Variants in PRKCH observed in about 807,000 individuals in gnomAD.
PRKCH encodes protein kinase C eta type.
Under a neutral mutation model 82.5 loss-of-function variants are expected in PRKCH, and 28 were observed. The observed-to-expected ratio is 0.34, with a 90% CI of 0.25 to 0.47. The LOEUF (loss-of-function observed/expected upper bound fraction) is 0.47, where lower values mean the gene tolerates loss of function less well. PRKCH is among the 20% of genes least tolerant of loss of function. PRKCH has a pLI of 1.00. For missense variants in PRKCH, 705 were observed against 881.8 expected (o/e 0.80, Z 2.54); for synonymous variants, 322 against 327.4 (o/e 0.98, Z 0.18).
chr14:61,543,902 A>T (rs918318098), intron 12 of PRKCH: 2 of 152,270 alleles, frequency 1.3e-5, no homozygotes, highest in African/African-American at 4.8e-5. Flanking sequence ...GTGAACTGTG[A>T]AAGATTTCAG....
chr14:61,417,538 C>A (rs913590700), intron 2 of PRKCH, among the ~76,000 whole-genome samples: 3 of 152,180 alleles, frequency 2.0e-5, no homozygotes, highest in Admixed American at 6.5e-5. Flanking sequence ...TACTTAATGA[C>A]AAAAATTTGG....
intron 1 of PRKCH, among the ~76,000 whole-genome samples, chr14:61,228,748 G>A (rs2044717178): frequency 6.6e-6 from 1 of 152,046 alleles, no homozygotes; most frequent in Non-Finnish European, 1.5e-5. Context: ...TTTTTCTAAA[G>A]TTACAAAATG....
intron 10 of PRKCH, among the ~76,000 whole-genome samples, chr14:61,523,257 A>G (rs768923866): frequency 4.1e-5 from 6 of 147,352 alleles, no homozygotes; most frequent in Non-Finnish European, 7.5e-5. Flanking sequence ...ACAAGCTAAG[A>G]AAAAAACCTT....
intron 9 of PRKCH, chr14:61,477,034 TC>T (rs1361130426): frequency 2.0e-5 from 3 of 152,220 alleles, no homozygotes; most frequent in African/African-American, 7.2e-5. Context: ...AGTAACTGTT[TC>T]CTGTTTATTT....
In PRKCH at chr14:61,457,577, G is replaced by T. The variant is rs1360563479; in HGVS notation, c.1176G>T (p.Leu392=). 22 of 1,614,006 alleles carry T rather than the reference G, an allele frequency of 1.4e-5. No individual in the cohort carries two copies. The highest frequency in any genetic ancestry group is 1.8e-5 in the Non-Finnish European group (21 of 1,180,022). ...AGGTGCTGAAGAAGGACGTGATTCTGCAGGATGATGATGTGGAATGCACCA... is the reference window on the plus strand; with the variant it reads ...AGGTGCTGAAGAAGGACGTGATTCTTCAGGATGATGATGTGGAATGCACCA... ...AVKVLKKDVI[L]QDDDVECTMT... Residue 392 remains leucine (L), a synonymous_variant, in exon 9 of 14, where the codon CTG becomes CTT. Transcript: ENST00000332981.
intron 1 of PRKCH, among the ~76,000 whole-genome samples, chr14:61,346,099 C>G (rs2045988843): frequency 6.6e-6 from 1 of 152,178 alleles, no homozygotes. Flanking sequence ...AGCAGGGACA[C>G]TTTACATGTG....
At chr14:61,297,495 G>C (rs1390328592) in intron 1 of PRKCH, among the ~76,000 whole-genome samples, 1 of 152,194 alleles carries the variant, frequency 6.6e-6, no homozygotes, top group Non-Finnish European at 1.5e-5. Context: ...GTCTGCTGCA[G>C]TGGTCTCCAA....
chr14:61,533,149 C>T (rs1029408261), intron 12 of PRKCH, among the ~76,000 whole-genome samples: 1 of 152,092 alleles, frequency 6.6e-6, no homozygotes, highest in Non-Finnish European at 1.5e-5. Flanking sequence ...AAAATCCATA[C>T]CATAGGGTGA....
chr14:61,336,277 G>A (rs900291117), intron 1 of PRKCH, among the ~76,000 whole-genome samples: 10 of 152,314 alleles, frequency 6.6e-5, no homozygotes, highest in African/African-American at 2.4e-4. Flanking sequence ...TGCTTTTAAT[G>A]TAGGATTCTG....
At chr14:61,231,561 A>G (rs2044744107) in intron 1 of PRKCH, among the ~76,000 whole-genome samples, 1 of 151,910 alleles carries the variant, frequency 6.6e-6, no homozygotes, top group Admixed American at 6.6e-5. Flanking sequence ...TTTAGTAGAG[A>G]CAGGGTTTCA....
intron 10 of PRKCH, among the ~76,000 whole-genome samples, chr14:61,494,139 G>A (rs1188445072): frequency 2.6e-5 from 4 of 152,064 alleles, no homozygotes; most frequent in Admixed American, 2.6e-4. Context: ...TAAAGAGGAT[G>A]GGCTGAATTA....
chr14:61,339,622 CTTT>C (rs757220300), intron 1 of PRKCH, among the ~76,000 whole-genome samples: 5,872 of 59,966 alleles, frequency 0.098, 126 homozygotes, highest in Non-Finnish European at 0.11. Context: ...CAAGCCCGGC[CTTT>C]TTTTTTTTTT....
intron 1 of PRKCH, among the ~76,000 whole-genome samples, chr14:61,357,665 G>T (rs1035614236): frequency 1.3e-5 from 2 of 152,096 alleles, no homozygotes; most frequent in African/African-American, 4.8e-5. Context: ...TTATCTTTCT[G>T]GAGCTTCTTC....
At chr14:61,190,613 G>A (rs372857643) in intron 1 of PRKCH, among the ~76,000 whole-genome samples, 1 of 152,102 alleles carries the variant, frequency 6.6e-6, no homozygotes, top group East Asian at 1.9e-4. Flanking sequence ...CAAGACGAAG[G>A]CTTGCCCGTG....
intron 2 of PRKCH, among the ~76,000 whole-genome samples, chr14:61,411,104 G>A (rs553324670): frequency 1.1e-4 from 17 of 152,282 alleles, no homozygotes; most frequent in Admixed American, 7.8e-4. Context: ...GAGCCCCAGC[G>A]ACTTCCAACA....
At chr14:61,401,882 G>C (rs1424206273) in intron 2 of PRKCH, among the ~76,000 whole-genome samples, 1 of 152,192 alleles carries the variant, frequency 6.6e-6, no homozygotes, top group African/African-American at 2.4e-5. Context: ...TTTTTACTTT[G>C]AAAGAATGAC....
At chr14:61,441,946 G>A (rs1042932102) in intron 2 of PRKCH, among the ~76,000 whole-genome samples, 2 of 151,674 alleles carry the variant, frequency 1.3e-5, no homozygotes, top group African/African-American at 2.4e-5. Context: ...TACTGTACCC[G>A]GCCAAGTTTT....
At chr14:61,272,553 C>T (rs954903563) in intron 1 of PRKCH, among the ~76,000 whole-genome samples, 2 of 151,756 alleles carry the variant, frequency 1.3e-5, no homozygotes, top group Non-Finnish European at 2.9e-5. Flanking sequence ...GGGGTTTCAC[C>T]ATGTCGGCCA....
chr14:61,511,277 A>G (rs1030494756), intron 10 of PRKCH, among the ~76,000 whole-genome samples: 7 of 152,180 alleles, frequency 4.6e-5, no homozygotes, highest in African/African-American at 1.2e-4. Context: ...TTGAGAGCCA[A>G]TGCCTGGCAG....
Sources: gnomAD v4.1 joint callset for allele counts (sites outside exome capture counted in the v4.1 genomes callset) on GRCh38, gnomAD v4.1.1 for gene constraint, MANE v1.5 for transcripts, NCBI Gene and HGNC (gene_info 2026-07-23, HGNC 2026-07-21) for gene names.